ARHGEF4: variants seen among roughly 807,000 people sequenced by gnomAD.
ARHGEF4 encodes the protein APC-stimulated guanine nucleotide exchange factor 1.
ARHGEF4 carries 119 observed loss-of-function variants against 162.0 expected under a neutral mutation model. The ratio of observed to expected loss-of-function variants is 0.73; its 90% CI spans 0.63 to 0.86. The LOEUF (loss-of-function observed/expected upper bound fraction) is 0.86, where lower values mean the gene tolerates loss of function less well. Among genes scored for constraint, ARHGEF4 ranks in the 40% least tolerant of loss-of-function variants. The pLI, the probability that ARHGEF4 is intolerant of heterozygous loss-of-function variation, is 0.00. For synonymous variants in ARHGEF4, 1,014 were observed against 979.9 expected, an observed-to-expected ratio of 1.03 and a Z score of -0.65; for missense variants, 2,488 against 2,456.0, an observed-to-expected ratio of 1.01 and a Z score of -0.28.
In ARHGEF4 at chr2:130,925,084, CTGAG is replaced by C. The variant is rs1254031976; in HGVS notation, c.3553-5867_3553-5864del. Among the ~76,000 whole-genome samples, 173 of 102,330 alleles carry C rather than the reference CTGAG, an allele frequency of 1.7e-3. 2 individuals carry two copies. The highest frequency in any genetic ancestry group is 5.8e-3 in the African/African-American group (166 of 28,520). The allele number at this position is 102,330 out of a possible 152,430, so 67.1% of individuals were successfully genotyped here. A position where few individuals can be genotyped will look rare whatever the true frequency, so the allele number is the denominator to read the frequency against. On this transcript the variant is annotated intron_variant, in intron 2 of 13. Coordinates refer to ENST00000409359, the MANE Select transcript of ARHGEF4 (RefSeq NM_001367493.1). ...TGTGTGTGTGTGTGTGTGTGTGCGT[CTGAG>C]AGAGAGAGAGAGAGAGAATGAACAT... is the stretch of plus-strand genomic sequence containing the variant.
chr2:131,040,327 G>A lies in ARHGEF4; in HGVS notation c.4549G>A (p.Gly1517Arg). 6.2e-7 allele frequency: 1 copy of A among 1,612,798 alleles called. No homozygotes were observed. The highest frequency in any genetic ancestry group is 8.5e-7 in the Non-Finnish European group (1 of 1,179,774). Residue 1517 changes from glycine (G) to arginine (R), a missense_variant, in exon 8 of 14, where the codon GGG (glycine) becomes AGG (arginine). By Grantham distance (125) the Gly-to-Arg change is moderately radical. Around this residue, in one of 6 missense-constraint regions of ARHGEF4, gnomAD observed 415 missense variants for 512.4 expected, o/e 0.81. Coordinates refer to ENST00000409359, the MANE Select transcript of ARHGEF4 (RefSeq NM_001367493.1). ...CGAGGAGCAGCTGCGTACCATCTTC[G>A]GGAACATCGAGGACATCTACCGCTG... Reference protein sequence around the residue: ...FSEEQLRTIFGNIEDIYRCQK... With the variant: ...FSEEQLRTIFRNIEDIYRCQK...
intron 4 of ARHGEF4, among the ~76,000 whole-genome samples, chr2:130,967,858 C>T (rs1685099326): frequency 6.6e-6 from 1 of 152,154 alleles, no homozygotes; most frequent in South Asian, 2.1e-4. Context: ...AGAGCAGAGG[C>T]CAGGAGATAC....
At chr2:130,935,525 CTCAGCATAGCGT>C (rs1682893176) in intron 3 of ARHGEF4, among the ~76,000 whole-genome samples, 1 of 152,202 alleles carries the variant, frequency 6.6e-6, no homozygotes, top group Non-Finnish European at 1.5e-5. Context: ...AAAGTTCCCT[CTCAGCATAGCGT>C]TCACTGCATC....
At chr2:130,964,889 T>C (rs1217219383) in intron 4 of ARHGEF4, among the ~76,000 whole-genome samples, 1 of 152,186 alleles carries the variant, frequency 6.6e-6, no homozygotes, top group African/African-American at 2.4e-5. Flanking sequence ...GGGTTACTGG[T>C]TGAGAGGAAG....
intron 1 of ARHGEF4, among the ~76,000 whole-genome samples, chr2:130,890,695 T>C (rs1002723052): frequency 8.5e-5 from 13 of 152,220 alleles, no homozygotes; most frequent in African/African-American, 3.1e-4. Context: ...ATTGAGTTTC[T>C]AAGCCTTTTA....
intron 1 of ARHGEF4, among the ~76,000 whole-genome samples, chr2:130,899,517 G>C (rs1680364981): frequency 6.6e-6 from 1 of 152,204 alleles, no homozygotes. Flanking sequence ...TGTGTCTGCT[G>C]TGCAGTGGTT....
At chr2:130,979,096 G>A (rs906755902) in intron 4 of ARHGEF4, among the ~76,000 whole-genome samples, 2 of 152,134 alleles carry the variant, frequency 1.3e-5, no homozygotes, top group African/African-American at 4.8e-5. Flanking sequence ...AACATCAATT[G>A]TGGATGACAA....
rs1192153640 is a variant in ARHGEF4, at chr2:130,987,798, T to C, written c.3986-40147T>C. Among the ~76,000 whole-genome samples, 6 of 152,152 alleles carry C rather than the reference T, an allele frequency of 3.9e-5. No homozygotes were observed. The East Asian group carries it at 1.2e-3, about 29-fold the overall frequency. On this transcript the variant is annotated intron_variant, in intron 4 of 13. Transcript: ENST00000409359. The stretch of plus-strand genomic sequence containing the variant: ...CTGTGGGATTGTCATGGAAAAATAA[T>C]GTGAATGTAGTGAGAGATATGGATT...
intron 13 of ARHGEF4, 88 bp from the exon 14 acceptor site, chr2:131,045,950 C>G: frequency 6.5e-7 from 1 of 1,530,078 alleles, no homozygotes; most frequent in East Asian, 2.3e-5. Flanking sequence ...GAAGCAGAGC[C>G]CTGGGACGGA....
chr2:130,885,865 C>T (rs1243775446), intron 1 of ARHGEF4, among the ~76,000 whole-genome samples: 3 of 151,872 alleles, frequency 2.0e-5, no homozygotes, highest in East Asian at 1.9e-4. Flanking sequence ...CCACCATGCC[C>T]GGCCTTTTCT....
chr2:130,888,246 G>A (rs969733357), intron 1 of ARHGEF4, among the ~76,000 whole-genome samples: 1 of 103,272 alleles, frequency 9.7e-6, no homozygotes, highest in Non-Finnish European at 1.9e-5. Context: ...AGGCCAAGGC[G>A]GGTGGATCAC....
At chr2:130,853,868 G>A (rs9784097) in intron 1 of ARHGEF4, among the ~76,000 whole-genome samples, 7,759 of 152,250 alleles carry the variant, frequency 0.051, 666 homozygotes, top group African/African-American at 0.18. Flanking sequence ...CAGAGATATT[G>A]TAGTGAGCTT....
At chr2:131,026,337 GA>G (rs1214905724) in intron 4 of ARHGEF4, among the ~76,000 whole-genome samples, 2 of 152,152 alleles carry the variant, frequency 1.3e-5, no homozygotes, top group African/African-American at 4.8e-5. Flanking sequence ...CCTAGACACA[GA>G]AAACATACAC....
chr2:130,976,729 G>A (rs999823441), intron 4 of ARHGEF4, among the ~76,000 whole-genome samples: 1 of 152,228 alleles, frequency 6.6e-6, no homozygotes, highest in African/African-American at 2.4e-5. Context: ...GGCAAGAGCT[G>A]GCAGATGGCA....
chr2:130,893,132 T>C (rs1679955339), intron 1 of ARHGEF4, among the ~76,000 whole-genome samples: 1 of 152,230 alleles, frequency 6.6e-6, no homozygotes, highest in Non-Finnish European at 1.5e-5. Context: ...CACCTGTGGT[T>C]TCACGCTAGG....
chr2:130,887,983 G>A (rs1381915233), intron 1 of ARHGEF4, among the ~76,000 whole-genome samples: 2 of 152,108 alleles, frequency 1.3e-5, no homozygotes, highest in Non-Finnish European at 2.9e-5. Context: ...CTGGAAATGG[G>A]AGGAGGCAGG....
chr2:130,996,478 T>G (rs1173098169), intron 4 of ARHGEF4, among the ~76,000 whole-genome samples: 1 of 152,278 alleles, frequency 6.6e-6, no homozygotes, highest in Non-Finnish European at 1.5e-5. Context: ...TTGCTGTGTA[T>G]ATTTTCAGTC....
chr2:130,997,244 A>G (rs1687451490), intron 4 of ARHGEF4, among the ~76,000 whole-genome samples: 1 of 152,198 alleles, frequency 6.6e-6, no homozygotes, highest in South Asian at 2.1e-4. Flanking sequence ...TTTATTGTTC[A>G]GCTCGTTTTG....
At chr2:130,901,114 C>G (rs1347409397) in intron 1 of ARHGEF4, among the ~76,000 whole-genome samples, 1 of 152,138 alleles carries the variant, frequency 6.6e-6, no homozygotes, top group Non-Finnish European at 1.5e-5. Context: ...AAGCAGCTGT[C>G]TTGGCCACCT....
Sources: gnomAD v4.1 joint callset for allele counts (sites outside exome capture counted in the v4.1 genomes callset) on GRCh38, gnomAD v4.1.1 for gene constraint, gnomAD v4.1.1 regional missense constraint, MANE v1.5 for transcripts, NCBI Gene and HGNC (gene_info 2026-07-23, HGNC 2026-07-21) for gene names.